Variants in FKBP5 observed in about 807,000 individuals in gnomAD.
FKBP5 encodes the protein peptidyl-prolyl cis-trans isomerase FKBP5.
A neutral mutation model predicts 50.5 loss-of-function variants in FKBP5; 23 were observed. The observed-to-expected ratio is 0.46, with a 90% confidence interval of 0.33 to 0.65. The LOEUF is 0.65. Ranked by LOEUF, FKBP5 falls within the 30% of genes least tolerant of loss-of-function variation. The pLI, the probability that FKBP5 is intolerant of heterozygous loss-of-function variation, is 0.02. For missense variants in FKBP5, 411 were observed against 553.1 expected, an observed-to-expected ratio of 0.74 and a Z score of 2.58; for synonymous variants, 176 against 190.6, an observed-to-expected ratio of 0.92 and a Z score of 0.63.
At chr6:35,712,210 ATTGT>A (rs1766428643) in intron 2 of FKBP5, among the ~76,000 whole-genome samples, 2 of 151,738 alleles carry the variant, frequency 1.3e-5, no homozygotes, top group South Asian at 2.1e-4. Context: ...CTTGCGAATA[ATTGT>A]TTGTTACCCG....
chr6:35,628,712 T>C (rs1263401006), intron 3 of FKBP5, among the ~76,000 whole-genome samples: 1 of 152,210 alleles, frequency 6.6e-6, no homozygotes, highest in Non-Finnish European at 1.5e-5. Flanking sequence ...TCATATATTT[T>C]AGGTTTTTTT....
rs1272928408 is a variant in FKBP5, at chr6:35,586,575, T to C, written c.840+459A>G. 12 of 984,854 alleles carry C rather than the reference T, an allele frequency of 1.2e-5. No individual in the cohort carries two copies. In the South Asian group the frequency reaches 1.8e-4, roughly 15 times the overall value. 61.0% of individuals were successfully genotyped at this position (984,854 alleles called of 1,614,324 possible). The stretch of plus-strand genomic sequence containing the variant: ...TGAGGCTAGAAGTTTGAGACCAGCC[T>C]GGGAAAGAAAGGGAGACCCTGTCTC... On this transcript the variant is annotated intron_variant, in intron 8 of 10. Coordinates refer to ENST00000357266, the MANE Select transcript of FKBP5 (RefSeq NM_004117.4).
intron 1 of FKBP5, among the ~76,000 whole-genome samples, chr6:35,670,147 C>T (rs1188586044): frequency 1.3e-5 from 2 of 152,166 alleles, no homozygotes; most frequent in African/African-American, 4.8e-5. Flanking sequence ...CTTCACATCA[C>T]TGCATAACTT....
intron 3 of FKBP5, among the ~76,000 whole-genome samples, chr6:35,636,454 T>C (rs1190475430): frequency 6.6e-6 from 1 of 152,204 alleles, no homozygotes; most frequent in Non-Finnish European, 1.5e-5. Flanking sequence ...TTAGTTCAGA[T>C]CTCAACTAAA....
At position 35,639,552 on chromosome 6, in the gene FKBP5, G is replaced by A. The variant is rs188105805; in HGVS notation, c.106-2394C>T. Among the ~76,000 whole-genome samples the A allele has an allele frequency of 2.5e-3, 376 of 152,284 alleles. 6 individuals carry two copies. Among genetic ancestry groups the A allele is most frequent in the Admixed American group, 7.5e-3 (114 of 15,282 alleles). On this transcript the variant is annotated intron_variant, in intron 2 of 10. Transcript: ENST00000357266. ...AGGGTAAGTCGTAAACAGAGGCAGG[G>A]AGATGCTGAGGACAGCCTGCAAAGT...
intron 3 of FKBP5, among the ~76,000 whole-genome samples, chr6:35,629,486 C>T (rs1221566726): frequency 6.6e-6 from 1 of 152,114 alleles, no homozygotes; most frequent in Non-Finnish European, 1.5e-5. Context: ...GATAATCCCT[C>T]CCCACCTTCA....
chr6:35,629,987 T>A (rs1290567912), intron 3 of FKBP5, among the ~76,000 whole-genome samples: 1 of 152,156 alleles, frequency 6.6e-6, no homozygotes, highest in Non-Finnish European at 1.5e-5. Context: ...TAAGAATATA[T>A]TGGCTGAGTG....
chr6:35,615,054 G>A (rs1040115388), intron 5 of FKBP5, among the ~76,000 whole-genome samples: 30 of 151,652 alleles, frequency 2.0e-4, no homozygotes, highest in African/African-American at 6.8e-4. Flanking sequence ...AACCTGGGAG[G>A]CGGAAGTTGC....
At chr6:35,602,587 AAG>A (rs1763178808) in intron 5 of FKBP5, among the ~76,000 whole-genome samples, 1 of 151,946 alleles carries the variant, frequency 6.6e-6, no homozygotes. Flanking sequence ...CACAGTATCC[AAG>A]AGAGTAGGAT....
intron 3 of FKBP5, among the ~76,000 whole-genome samples, chr6:35,634,725 C>T (rs565817117): frequency 1.6e-3 from 241 of 151,798 alleles, no homozygotes; most frequent in African/African-American, 5.5e-3. Context: ...TTCTTTTTTC[C>T]CTAATCTAGG....
chr6:35,646,725 C>G (rs1385680515), intron 1 of FKBP5, among the ~76,000 whole-genome samples: 1 of 152,114 alleles, frequency 6.6e-6, no homozygotes, highest in African/African-American at 2.4e-5. Flanking sequence ...TATGATAAAG[C>G]TTACTGTGCT....
chr6:35,581,216 A>G, intron 8 of FKBP5: 1 of 971,158 alleles, frequency 1.0e-6, no homozygotes, highest in Non-Finnish European at 1.2e-6. Flanking sequence ...ACTATAAAAC[A>G]ATATACATCA....
chr6:35,720,828 C>A (rs1287403651), intron 1 of FKBP5, among the ~76,000 whole-genome samples: 1 of 152,180 alleles, frequency 6.6e-6, no homozygotes, highest in Non-Finnish European at 1.5e-5. Flanking sequence ...TCACAGGTAC[C>A]CCATTCCGGG....
At chr6:35,583,657 T>G (rs1762512584) in intron 8 of FKBP5, 2 of 890,272 alleles carry the variant, frequency 2.2e-6, no homozygotes, top group Non-Finnish European at 2.7e-6. Context: ...TGGCATCTAA[T>G]GGGCAGAGGC....
rs550880584 is a variant in FKBP5, at chr6:35,682,107, T to A, written c.-20+6697A>T. On this transcript the variant is annotated intron_variant, in intron 1 of 10. Coordinates refer to ENST00000357266, the MANE Select transcript of FKBP5 (RefSeq NM_004117.4). ...AACACCTTTTCTCTTGTAACAAACA[T>A]CTCCTCCAAGCTAGAATTTCAAAAC... Among the ~76,000 whole-genome samples, 40 of 128,432 alleles carry A rather than the reference T, an allele frequency of 3.1e-4. No homozygotes were observed. The South Asian group carries it at 8.2e-3, about 26-fold the overall frequency. The allele number at this position is 128,432 out of a possible 152,430, so 84.3% of individuals were successfully genotyped here.
At chr6:35,697,045 TA>T (rs1369975424) in intron 2 of FKBP5, among the ~76,000 whole-genome samples, 6 of 152,296 alleles carry the variant, frequency 3.9e-5, no homozygotes, top group Admixed American at 3.9e-4. Context: ...ATTTTCAATA[TA>T]AAATTACCAT....
upstream of FKBP5, among the ~76,000 whole-genome samples, chr6:35,692,819 C>G (rs187208328): frequency 5.0e-3 from 746 of 148,048 alleles, 3 homozygotes; most frequent in Non-Finnish European, 8.7e-3. Context: ...GAAGAGAATA[C>G]ACGGTAGAGT....
At chr6:35,624,236 G>A (rs1279657094) in intron 3 of FKBP5, among the ~76,000 whole-genome samples, 1 of 152,130 alleles carries the variant, frequency 6.6e-6, no homozygotes, top group Non-Finnish European at 1.5e-5. Context: ...GGGATCATAG[G>A]GAGGCCATAT....
chr6:35,633,446 G>C (rs1307902489), intron 3 of FKBP5, among the ~76,000 whole-genome samples: 1 of 150,682 alleles, frequency 6.6e-6, no homozygotes, highest in Non-Finnish European at 1.5e-5. Flanking sequence ...GGGAGGCTGA[G>C]GCACGAGAAT....
Sources: allele counts gnomAD v4.1 joint callset (sites outside exome capture counted in the v4.1 genomes callset), GRCh38; gene constraint gnomAD v4.1.1; transcripts MANE v1.5; gene names NCBI Gene and HGNC (gene_info 2026-07-23, HGNC 2026-07-21).